Variants in MANBA observed in about 807,000 individuals in gnomAD.
MANBA encodes the protein beta-mannosidase.
In MANBA, 83 loss-of-function variants were observed where a neutral mutation model predicts 111.1. The observed-to-expected ratio is 0.75, with a 90% CI of 0.63 to 0.90. The LOEUF is 0.90. Among genes scored for constraint, MANBA ranks in the 40% least tolerant of loss-of-function variants. The probability of loss-of-function intolerance (pLI) is 0.00; values close to 1 mark genes in which losing one functional copy is unlikely to be tolerated. For synonymous variants in MANBA, 370 were observed against 378.7 expected (o/e 0.98, Z 0.27); for missense variants, 1,036 against 1,069.0 (o/e 0.97, Z 0.43).
chr4:102,684,129 A>C (rs1732104160), intron 7 of MANBA, among the ~76,000 whole-genome samples: 1 of 152,280 alleles, frequency 6.6e-6, no homozygotes, highest in East Asian at 1.9e-4. Context: ...AAAATCCTAA[A>C]CACGTTTCTA....
At chr4:102,689,348 CAA>C (rs35110858) in intron 7 of MANBA, among the ~76,000 whole-genome samples, 60 of 130,448 alleles carry the variant, frequency 4.6e-4, no homozygotes, top group African/African-American at 9.1e-4. Flanking sequence ...GACTCTGTCT[CAA>C]AAAAAAAAAA....
chr4:102,670,705 G>A (rs986954953), intron 9 of MANBA, among the ~76,000 whole-genome samples: 4 of 151,884 alleles, frequency 2.6e-5, no homozygotes, highest in Non-Finnish European at 5.9e-5. Context: ...TTAGCTGGAT[G>A]CTAATTTACT....
At chr4:102,729,965 G>A (rs1433926354) in intron 1 of MANBA, 1 of 1,029,638 alleles carries the variant, frequency 9.7e-7, no homozygotes, top group African/African-American at 1.6e-5. Flanking sequence ...GCAGGCTCTG[G>A]TTGACTGTGA....
intron 7 of MANBA, among the ~76,000 whole-genome samples, chr4:102,677,216 A>G (rs1177253486): frequency 6.6e-6 from 1 of 152,222 alleles, no homozygotes; most frequent in Non-Finnish European, 1.5e-5. Context: ...CATTCTCTAG[A>G]AAATGAATGG....
chr4:102,695,287 G>A (rs1265982276), intron 5 of MANBA, among the ~76,000 whole-genome samples: 1 of 151,994 alleles, frequency 6.6e-6, no homozygotes, highest in Admixed American at 6.6e-5. Context: ...AAGAAAAAAA[G>A]CTTTATTCAA....
chr4:102,685,307 T>A (rs181990546), intron 7 of MANBA, among the ~76,000 whole-genome samples: 3 of 152,148 alleles, frequency 2.0e-5, no homozygotes, highest in African/African-American at 4.8e-5. Flanking sequence ...TATTTCACAA[T>A]AAATAAAAAA....
chr4:102,685,892 T>C (rs1732187010), intron 7 of MANBA, among the ~76,000 whole-genome samples: 1 of 144,864 alleles, frequency 6.9e-6, no homozygotes, highest in South Asian at 2.3e-4. Flanking sequence ...CCTCAATCTT[T>C]CCTTGACATT....
chr4:102,727,229 T>C (rs1301091702), intron 1 of MANBA: 9 of 442,868 alleles, frequency 2.0e-5, no homozygotes, highest in African/African-American at 1.4e-4. Context: ...TGCTAAATGA[T>C]AGGAAAATCT....
At chr4:102,659,060 G>GAGAGAGAGAGAA (rs1330241160) in intron 11 of MANBA, 2 of 152,206 alleles carry the variant, frequency 1.3e-5, no homozygotes, top group African/African-American at 4.8e-5. Context: ...CAGAGAAAGA[G>GAGAGAGAGAGAA]AGAGAGAGAG....
intron 1 of MANBA, among the ~76,000 whole-genome samples, chr4:102,741,373 A>C (rs1041150215): frequency 2.0e-5 from 3 of 152,240 alleles, no homozygotes; most frequent in Non-Finnish European, 4.4e-5. Context: ...TAAGGAAAAC[A>C]GTATGGAGAT....
At position 102,728,874 on chromosome 4, in the gene MANBA, T is replaced by C. The variant is rs1722915191; in HGVS notation, c.178-2191A>G. 3 of 795,704 alleles carry C rather than the reference T, an allele frequency of 3.8e-6. No homozygotes were observed. In the South Asian group the frequency reaches 4.2e-5, roughly 11 times the overall value. 49.3% of individuals were successfully genotyped at this position (795,704 alleles called of 1,614,324 possible). On this transcript the variant is annotated intron_variant, in intron 1 of 16. Transcript: ENST00000647097. ...CTGGAGCCCACACCAGAGCCAAAGC[T>C]GGGGCTTGGGAGGCCCCCACAGGCC...
At chr4:102,738,870 T>A (rs1279290162) in intron 1 of MANBA, among the ~76,000 whole-genome samples, 3 of 151,876 alleles carry the variant, frequency 2.0e-5, no homozygotes, top group East Asian at 3.9e-4. Flanking sequence ...AGGATATGAA[T>A]GAAAAGGTCT....
At chr4:102,641,800 A>G (rs1417581540) in intron 13 of MANBA, among the ~76,000 whole-genome samples, 1 of 152,038 alleles carries the variant, frequency 6.6e-6, no homozygotes, top group Non-Finnish European at 1.5e-5. Context: ...AAAACTTATT[A>G]GTTCCTTAGA....
chr4:102,731,002 A>G (rs1044145279), intron 1 of MANBA, among the ~76,000 whole-genome samples: 5 of 152,044 alleles, frequency 3.3e-5, no homozygotes, highest in Non-Finnish European at 7.4e-5. Flanking sequence ...AAATATGTAC[A>G]AGTAGCCAAT....
At chr4:102,666,926 T>C (rs1006791277) in intron 10 of MANBA, 3 of 152,214 alleles carry the variant, frequency 2.0e-5, no homozygotes, top group East Asian at 1.9e-4. Context: ...TAGAGTATCA[T>C]AGTGTAATAG....
chr4:102,709,331 AAAGGAAGGAAGG>A (rs70937564), intron 5 of MANBA, among the ~76,000 whole-genome samples: 4 of 133,262 alleles, frequency 3.0e-5, no homozygotes, highest in Non-Finnish European at 4.8e-5. Context: ...AAAGAAAAAG[AAAGGAAGGAAGG>A]AAGGAAGGAA....
chr4:102,712,955 T>C (rs1560791129), intron 5 of MANBA, among the ~76,000 whole-genome samples: 1 of 152,166 alleles, frequency 6.6e-6, no homozygotes, highest in African/African-American at 2.4e-5. Flanking sequence ...GGATTACACC[T>C]CAGAAGAATA....
At chr4:102,756,029 C>G (rs1358035735) in intron 1 of MANBA, among the ~76,000 whole-genome samples, 1 of 152,164 alleles carries the variant, frequency 6.6e-6, no homozygotes, top group East Asian at 1.9e-4. Context: ...GTTGGTGGGA[C>G]TATAAACTAT....
At chr4:102,692,373 T>A (rs1236692874) in intron 5 of MANBA, among the ~76,000 whole-genome samples, 1 of 152,174 alleles carries the variant, frequency 6.6e-6, no homozygotes, top group Non-Finnish European at 1.5e-5. Context: ...GTTGTCAGAA[T>A]GTTTCGAAGA....
Sources: allele counts gnomAD v4.1 joint callset (sites outside exome capture counted in the v4.1 genomes callset), GRCh38; gene constraint gnomAD v4.1.1; transcripts MANE v1.5; gene names NCBI Gene and HGNC (gene_info 2026-07-23, HGNC 2026-07-21).